Variants in ZGRF1 observed in about 807,000 individuals in gnomAD.
ZGRF1 encodes the protein zinc finger GRF-type containing 1.
A neutral mutation model predicts 203.5 loss-of-function variants in ZGRF1; 196 were observed. That is an observed-to-expected ratio of 0.96 (90% CI 0.86 to 1.08). ZGRF1 has a LOEUF of 1.08. Ranked by LOEUF, ZGRF1 falls within the 50% of genes least tolerant of loss-of-function variation. The pLI is 0.00. For missense variants in ZGRF1, 2,326 were observed against 2,416.3 expected (o/e 0.96, Z 0.78); for synonymous variants, 809 against 841.3 (o/e 0.96, Z 0.66).
rs1307313226 is a variant in ZGRF1 at position 112,575,028 on chromosome 4, G to GA, written c.4438+6634dup. 1.1e-3 allele frequency among the ~76,000 whole-genome samples: 139 copies of GA among 122,144 alleles called. 1 individual carries two copies. The highest frequency in any genetic ancestry group is 3.1e-3 in the South Asian group (12 of 3,916). The allele number at this position is 122,144 out of a possible 152,430, so 80.1% of individuals were successfully genotyped here. A position where few individuals can be genotyped will look rare whatever the true frequency, so the allele number is the denominator to read the frequency against. On this transcript the variant is annotated intron_variant, in intron 16 of 27. Transcript: ENST00000505019. ...GCAACAGAGTGAGACTCTGTCTCAG[G>GA]AAAAAAAAAAACAAGCAAACAAAAA... is the stretch of plus-strand genomic sequence containing the variant.
chr4:112,619,519 C>G lies in ZGRF1; in HGVS notation c.523G>C (p.Asp175His), dbSNP rs1560873636. 2 of 1,614,002 alleles carry G rather than the reference C, an allele frequency of 1.2e-6. No individual in the cohort carries two copies. Among genetic ancestry groups the G allele is most frequent in the East Asian group, 2.2e-5 (1 of 44,866 alleles). The change falls in exon 6 of 28, where the codon GAC becomes CAC. Residue 175 changes from aspartate (D) to histidine (H), a missense_variant. Coordinates refer to ENST00000505019, the MANE Select transcript of ZGRF1 (RefSeq NM_018392.5). ...TTGTAAGTCACAATGTTCTCAGGGT[C>G]TGCCAGTATATTATTTACATCTTTC... Reference protein sequence around the residue: ...GKKDVNNILADPENIVTYKNR... With the variant: ...GKKDVNNILAHPENIVTYKNR...
intron 10 of ZGRF1, among the ~76,000 whole-genome samples, chr4:112,596,382 A>G (rs1170417192): frequency 1.3e-5 from 2 of 152,234 alleles, no homozygotes; most frequent in Non-Finnish European, 2.9e-5. Flanking sequence ...TGTTGCTGAA[A>G]GTAGGATACA....
Position 112,619,588 on chromosome 4 carries a change from A to G in ZGRF1, c.454T>C (p.Ser152Pro). The change falls in exon 6 of 28, where the codon TCT becomes CCT. Residue 152 changes from serine to proline, a missense_variant. Physicochemically the swap from Ser to Pro is moderately conservative, Grantham distance 74. Transcript: ENST00000505019. ...AAAGGAGGCATGCTGCAGAATGGAG[A>G]AAAAATAGTAGGGCCAGTTTTCTTA... is the stretch of plus-strand genomic sequence containing the variant. ...EAKKTGPTIF[S>P]PFCSMPPLFP... 2 of 1,614,050 alleles carry G rather than the reference A, an allele frequency of 1.2e-6. No individual in the cohort carries two copies. Among genetic ancestry groups the G allele is most frequent in the East Asian group, 2.2e-5 (1 of 44,870 alleles).
chr4:112,550,593 C>G (rs1286505449), intron 22 of ZGRF1, among the ~76,000 whole-genome samples: 1 of 152,114 alleles, frequency 6.6e-6, no homozygotes, highest in Non-Finnish European at 1.5e-5. Flanking sequence ...TGGCTCACGC[C>G]TGTAATCCCA....
At chr4:112,631,132 T>A (rs755176368) in intron 3 of ZGRF1, among the ~76,000 whole-genome samples, 1 of 152,220 alleles carries the variant, frequency 6.6e-6, no homozygotes, top group Non-Finnish European at 1.5e-5. Context: ...TAGCATATAA[T>A]AAGCAGTTTA....
chr4:112,583,826 A>G (rs1746692217), intron 15 of ZGRF1, among the ~76,000 whole-genome samples, 152 bp downstream of exon 15: 1 of 151,808 alleles, frequency 6.6e-6, no homozygotes, highest in Non-Finnish European at 1.5e-5. Flanking sequence ...AAAAAAAAAG[A>G]CTTATTCCCA....
In ZGRF1 at chr4:112,605,235, G is replaced by A. The variant is rs144932784; in HGVS notation, c.2802+773C>T. ...GAGTGCAGTGGCACAATGTTGGCTC[G>A]CTGCAACCTCCACCTCCCAGGTTCA... On this transcript the variant is annotated intron_variant, in intron 9 of 27. Coordinates refer to ENST00000505019, the MANE Select transcript of ZGRF1 (RefSeq NM_018392.5). Among the ~76,000 whole-genome samples, 803 of 151,826 alleles carry A rather than the reference G, an allele frequency of 5.3e-3. 13 individuals carry two copies. The highest frequency in any genetic ancestry group is 0.017 in the African/African-American group (714 of 41,390).
chr4:112,620,213 C>A, intron 4 of ZGRF1, 23 bp from the exon 5 acceptor site: 2 of 1,572,482 alleles, frequency 1.3e-6, no homozygotes, highest in South Asian at 1.2e-5. Context: ...ATGTCAAAAT[C>A]ACATACATCT....
At chr4:112,575,504 G>A (rs1300972234) in intron 16 of ZGRF1, among the ~76,000 whole-genome samples, 4 of 152,144 alleles carry the variant, frequency 2.6e-5, no homozygotes, top group Admixed American at 2.0e-4. Context: ...AAGTGCAAGG[G>A]GTCAGGGAAT....
At chr4:112,603,469 A>C in intron 10 of ZGRF1, 55 bp downstream of exon 10, 1 of 1,228,774 alleles carries the variant, frequency 8.1e-7, no homozygotes. Flanking sequence ...CACAAAATGT[A>C]GTATTAACAT....
At position 112,563,178 on chromosome 4, in the gene ZGRF1, T is replaced by A. The variant is rs1742331871; in HGVS notation, c.4535A>T (p.Glu1512Val). The A allele has an allele frequency of 6.4e-7, 1 of 1,550,406 alleles. No individual in the cohort carries two copies. Among genetic ancestry groups the A allele is most frequent in the African/African-American group, 1.4e-5 (1 of 73,010 alleles). Residue 1512 changes from glutamate to valine, a missense_variant, in exon 17 of 28, where the codon GAA (glutamate) becomes GTA (valine). Transcript: ENST00000505019. ...GAAATAGCCTTTCAAAGGCAGTATT[T>A]CTATCTCATTGATAGATGATGGTCC... Reference protein sequence around the residue: ...FFGPSSINEIEILPLKGYFPS... With the variant: ...FFGPSSINEIVILPLKGYFPS...
chr4:112,607,412 G>C (rs559327855), intron 8 of ZGRF1, among the ~76,000 whole-genome samples: 1 of 152,174 alleles, frequency 6.6e-6, no homozygotes, highest in Admixed American at 6.5e-5. Flanking sequence ...GGGATTACCC[G>C]TGTGAGCCAC....
At chr4:112,603,353 C>T (rs907693543) in intron 10 of ZGRF1, among the ~76,000 whole-genome samples, 171 bp downstream of exon 10, 1 of 152,266 alleles carries the variant, frequency 6.6e-6, no homozygotes, top group African/African-American at 2.4e-5. Flanking sequence ...AGTAATACAT[C>T]TTTCAAGTAA....
chr4:112,594,557 A>C (rs1748689632), intron 10 of ZGRF1, among the ~76,000 whole-genome samples: 1 of 151,320 alleles, frequency 6.6e-6, no homozygotes, highest in Non-Finnish European at 1.5e-5. Context: ...GGTTCAAGCG[A>C]TTCTCCTGCC....
intron 16 of ZGRF1, 51 bp downstream of exon 16, chr4:112,581,612 A>T (rs539765850): frequency 7.3e-7 from 1 of 1,363,976 alleles, no homozygotes; most frequent in African/African-American, 1.5e-5. Context: ...GCTGTATGTA[A>T]TGGAGATAAT....
chr4:112,610,682 A>C (rs1751448523), intron 7 of ZGRF1: 1 of 152,778 alleles, frequency 6.5e-6, no homozygotes, highest in Admixed American at 6.6e-5. Context: ...TCTAAGGAAA[A>C]AACTTAAAAT....
At chr4:112,576,028 C>G (rs548514902) in intron 16 of ZGRF1, among the ~76,000 whole-genome samples, 1 of 152,232 alleles carries the variant, frequency 6.6e-6, no homozygotes, top group Admixed American at 6.5e-5. Flanking sequence ...AGGCACCCCC[C>G]AGTAGGGGCA....
chr4:112,577,301 C>T lies in ZGRF1; in HGVS notation c.4438+4362G>A, dbSNP rs1466304876. On this transcript the variant is annotated intron_variant, in intron 16 of 27. Transcript: ENST00000505019. ...AAGCGCTAAACATGGAAAGGAATAA[C>T]TGGTACCAGCCACTGCAAAAACATG... 4.1e-5 allele frequency among the ~76,000 whole-genome samples: 5 copies of T among 123,002 alleles called. 1 individual carries two copies. The highest frequency in any genetic ancestry group is 9.1e-5 in the Non-Finnish European group (5 of 55,122). 80.7% of individuals were successfully genotyped at this position (123,002 alleles called of 152,430 possible). A position where few individuals can be genotyped will look rare whatever the true frequency, so the allele number is the denominator to read the frequency against.
Position 112,603,691 on chromosome 4 carries a change from CA to C in ZGRF1, c.2808del (p.Glu937SerfsTer7). 6.2e-7 allele frequency: 1 copy of C among 1,611,706 alleles called. No individual in the cohort carries two copies. The highest frequency in any genetic ancestry group is 1.3e-5 in the African/African-American group (1 of 74,962). On this transcript the variant is annotated frameshift_variant, in exon 10 of 28. Transcript: ENST00000505019. LOFTEE classifies it high-confidence loss of function. ...IERKTCDPKP[V>X]EFQGHQVKGS... The stretch of plus-strand genomic sequence containing the variant: ...CCTTTTACTTGATGTCCTTGAAACT[CA>C]ACAGGCTACAGGTAAATTATTAAAA...
Sources: gnomAD v4.1 joint callset for allele counts (sites outside exome capture counted in the v4.1 genomes callset) on GRCh38, gnomAD v4.1.1 for gene constraint, MANE v1.5 for transcripts, NCBI Gene and HGNC (gene_info 2026-07-23, HGNC 2026-07-21) for gene names.